The following SCYL3 variants were observed in gnomAD, a reference collection of about 807,000 sequenced individuals.
The protein encoded by SCYL3 is SCY1 like pseudokinase 3.
In SCYL3, 35 loss-of-function variants were observed where a neutral mutation model predicts 73.8. That is an observed-to-expected ratio of 0.47 (90% CI 0.36 to 0.63). The LOEUF is 0.63. Ranked by LOEUF, SCYL3 falls within the 20% of genes least tolerant of loss-of-function variation. The pLI is 0.00. For missense variants in SCYL3, 712 were observed against 798.9 expected, an observed-to-expected ratio of 0.89 and a Z score of 1.31; for synonymous variants, 277 against 295.2, an observed-to-expected ratio of 0.94 and a Z score of 0.63.
At chr1:169,854,018 C>G in intron 12 of SCYL3, 2 of 578,776 alleles carry the variant, frequency 3.5e-6, no homozygotes, top group Non-Finnish European at 5.9e-6. Flanking sequence ...GACACCAAAT[C>G]CTTATTTTAA....
At chr1:169,873,573 C>A in intron 5 of SCYL3, 123 bp downstream of exon 5, 2 of 614,774 alleles carry the variant, frequency 3.3e-6, no homozygotes, top group African/African-American at 1.9e-5. Context: ...AGCTTTAAGG[C>A]CAGAGGAATT....
chr1:169,855,760 A>G (rs917583743), intron 11 of SCYL3: 1 of 1,582,648 alleles, frequency 6.3e-7, no homozygotes, highest in Non-Finnish European at 8.6e-7. Context: ...CATTCATCCA[A>G]GCAATGGAAA....
At chr1:169,870,192 A>G in intron 6 of SCYL3, 63 bp downstream of exon 6, 1 of 1,233,606 alleles carries the variant, frequency 8.1e-7, no homozygotes, top group Non-Finnish European at 1.2e-6. Flanking sequence ...AATTCCACAC[A>G]GAATACGTCA....
chr1:169,851,835 A>G lies in SCYL3; in HGVS notation c.*1878T>C. 1 of 1,613,984 alleles carries G rather than the reference A, an allele frequency of 6.2e-7. No individual in the cohort carries two copies. Among genetic ancestry groups the G allele is most frequent in the Non-Finnish European group, 8.5e-7 (1 of 1,179,942 alleles). On this transcript the variant is annotated 3_prime_UTR_variant, in exon 13 of 13. Coordinates refer to ENST00000367771, the MANE Select transcript of SCYL3 (RefSeq NM_020423.7). ...CTGGCAGACTGGGTTTGTAGATGAA[A>G]CTGAAGCTGCCAAAGTGGAACGTGT...
At chr1:169,884,145 A>G (rs1208760743) in intron 2 of SCYL3, among the ~76,000 whole-genome samples, 2 of 152,244 alleles carry the variant, frequency 1.3e-5, no homozygotes, top group Non-Finnish European at 2.9e-5. Flanking sequence ...AATAAAAAAT[A>G]ATTAAGAAAA....
In SCYL3 at chr1:169,878,715, C is replaced by A; in HGVS notation, c.270G>T (p.Val90=). ...LVTERVQPLE[V]ALETLSSAEV... ...CTGCAGAAGACAATGTTTCCAAAGC[C>A]ACTTCCAGGGGCTGTACTCGCTCAG... Residue 90 remains valine, a synonymous_variant, in exon 3 of 13, where the codon GTG becomes GTT. Coordinates refer to ENST00000367771, the MANE Select transcript of SCYL3 (RefSeq NM_020423.7). 1 of 1,614,174 alleles carries A rather than the reference C, an allele frequency of 6.2e-7. No homozygotes were observed. The highest frequency in any genetic ancestry group is 8.5e-7 in the Non-Finnish European group (1 of 1,180,016).
rs771460798 is a variant in SCYL3 at position 169,862,579 on chromosome 1, C to A, written c.1140+34G>T. 3 of 1,609,980 alleles carry A rather than the reference C, an allele frequency of 1.9e-6. No individual in the cohort carries two copies. In the African/African-American group the frequency reaches 4.0e-5, roughly 22 times the overall value. On this transcript the variant is annotated intron_variant, in intron 10 of 12. Coordinates refer to ENST00000367771, the MANE Select transcript of SCYL3 (RefSeq NM_020423.7). ...TCTTTCAGCACTCTTCCCTCAGGTT[C>A]TGTGACTACCCCACTGCAAACTTGG...
intron 10 of SCYL3, among the ~76,000 whole-genome samples, 196 bp from the exon 11 acceptor site, chr1:169,859,408 T>TA (rs1206710091): frequency 6.6e-6 from 1 of 152,188 alleles, no homozygotes; most frequent in Non-Finnish European, 1.5e-5. Context: ...ATCACAGACT[T>TA]ACCATTTTTA....
In SCYL3 at chr1:169,851,828, A is replaced by T; in HGVS notation, c.*1885T>A. 6.2e-7 allele frequency: 1 copy of T among 1,613,922 alleles called. No individual in the cohort carries two copies. The highest frequency in any genetic ancestry group is 1.1e-5 in the South Asian group (1 of 91,068). Reference sequence around the variant, plus strand: ...ATGGTCCCTGGCAGACTGGGTTTGTAGATGAAACTGAAGCTGCCAAAGTGG... The same window carrying T: ...ATGGTCCCTGGCAGACTGGGTTTGTTGATGAAACTGAAGCTGCCAAAGTGG... On this transcript the variant is annotated 3_prime_UTR_variant, in exon 13 of 13. Transcript: ENST00000367771.
intron 11 of SCYL3, among the ~76,000 whole-genome samples, chr1:169,856,927 C>A (rs1287415748): frequency 1.3e-5 from 2 of 152,224 alleles, no homozygotes; most frequent in African/African-American, 4.8e-5. Context: ...CTGATTAACT[C>A]TTTTCTGCTA....
intron 3 of SCYL3, among the ~76,000 whole-genome samples, chr1:169,876,958 TAAAAAAAAA>T (rs61051062): frequency 3.1e-4 from 24 of 76,398 alleles, no homozygotes; most frequent in African/African-American, 1.1e-3. Flanking sequence ...TTGTCTCAAA[TAAAAAAAAA>T]AAAAAAAAAA....
intron 2 of SCYL3, among the ~76,000 whole-genome samples, chr1:169,882,739 C>G (rs945193513): frequency 2.0e-5 from 3 of 152,172 alleles, no homozygotes; most frequent in Non-Finnish European, 2.9e-5. Flanking sequence ...TCTAGCTACT[C>G]TGGTGGGGAC....
In SCYL3 at chr1:169,878,858, C is replaced by T. The variant is rs137969598; in HGVS notation, c.166-39G>A. On this transcript the variant is annotated intron_variant, in intron 2 of 12. Transcript: ENST00000367771. ...AACCGAAGAGCTGAAGTTAATGACC[C>T]CAAACCAGATTATAGTTTCATATAC... 1.2e-4 allele frequency: 193 copies of T among 1,546,576 alleles called. No individual in the cohort carries two copies. In the African/African-American group the frequency reaches 2.4e-3, roughly 19 times the overall value.
rs1660778687 is a variant in SCYL3, at chr1:169,876,075, T to C, written c.368A>G (p.Asn123Ser). ...FLHDRGHLTH[N>S]NVCLSSVFVS... Reference sequence around the variant, plus strand: ...AAACACAGATGATAAACAGACATTATTGTGTGTTAGGTGTCCCTGGAAAAA... The same window carrying C: ...AAACACAGATGATAAACAGACATTACTGTGTGTTAGGTGTCCCTGGAAAAA... Residue 123 changes from asparagine (N) to serine (S), a missense_variant, in exon 4 of 13, where the codon AAT becomes AGT. Physicochemically the swap from Asn to Ser is conservative, Grantham distance 46 (BLOSUM62 1). Around this residue, in one of 2 missense-constraint regions of SCYL3, gnomAD observed 342 missense variants for 448.1 expected, o/e 0.76. Transcript: ENST00000367771. The C allele has an allele frequency of 6.2e-7, 1 of 1,600,522 alleles. No homozygotes were observed. The highest frequency in any genetic ancestry group is 1.3e-5 in the African/African-American group (1 of 74,256).
chr1:169,859,328 GAT>G, intron 10 of SCYL3, 116 bp from the exon 11 acceptor site: 1 of 991,064 alleles, frequency 1.0e-6, no homozygotes, highest in Non-Finnish European at 1.4e-6. Flanking sequence ...CATTATCTTA[GAT>G]ATGTGTTCCA....
rs1658537426 is a variant in SCYL3, at chr1:169,852,647, T to C, written c.*1066A>G. The stretch of plus-strand genomic sequence containing the variant: ...CTTTACATATTTTTCTAGATGACTG[T>C]GTAGGGGTTTTGGGGTGCATCCTCC... On this transcript the variant is annotated 3_prime_UTR_variant, in exon 13 of 13. Coordinates refer to ENST00000367771, the MANE Select transcript of SCYL3 (RefSeq NM_020423.7). 1 of 762,192 alleles carries C rather than the reference T, an allele frequency of 1.3e-6. No individual in the cohort carries two copies. The highest frequency in any genetic ancestry group is 1.8e-5 in the South Asian group (1 of 54,090). The allele number at this position is 762,192 out of a possible 1,614,324, so 47.2% of individuals were successfully genotyped here.
In SCYL3 at chr1:169,888,611, A is replaced by G. The variant is rs146041387; in HGVS notation, c.165+65T>C. On this transcript the variant is annotated intron_variant, in intron 2 of 12. Transcript: ENST00000367771. ...CTCCTTTGAACTTTACTAATTTCAT[A>G]TTTTTTTAAAAGAAAACAAGATAGT... 1.4e-4 allele frequency: 188 copies of G among 1,343,922 alleles called. 2 individuals carry two copies. The East Asian group carries it at 3.7e-3, about 26-fold the overall frequency. 83.2% of individuals were successfully genotyped at this position (1,343,922 alleles called of 1,614,324 possible).
At position 169,872,083 on chromosome 1, in the gene SCYL3, G is replaced by C. The variant is rs567577454; in HGVS notation, c.522+1613C>G. Among the ~76,000 whole-genome samples the C allele has an allele frequency of 2.6e-5, 4 of 152,348 alleles. No homozygotes were observed. The East Asian group carries it at 7.7e-4, about 29-fold the overall frequency. Reference sequence around the variant, plus strand: ...GCCAAATGTTAATCCCCAAGAAAATGGGGAAAATGTCTCCAGGGCATGTCA... The same window carrying C: ...GCCAAATGTTAATCCCCAAGAAAATCGGGAAAATGTCTCCAGGGCATGTCA... On this transcript the variant is annotated intron_variant, in intron 5 of 12. Coordinates refer to ENST00000367771, the MANE Select transcript of SCYL3 (RefSeq NM_020423.7).
At chr1:169,872,396 T>C (rs894732826) in intron 5 of SCYL3, among the ~76,000 whole-genome samples, 1 of 152,180 alleles carries the variant, frequency 6.6e-6, no homozygotes, top group Admixed American at 6.5e-5. Context: ...AGAAGATGTA[T>C]GGAAATGCCT....
Sources: gnomAD v4.1 joint callset for allele counts (sites outside exome capture counted in the v4.1 genomes callset) on GRCh38, gnomAD v4.1.1 for gene constraint, gnomAD v4.1.1 regional missense constraint, MANE v1.5 for transcripts, NCBI Gene and HGNC (gene_info 2026-07-23, HGNC 2026-07-21) for gene names.